The following WFIKKN2 variants were observed in gnomAD, a reference collection of about 807,000 sequenced individuals.
WFIKKN2 encodes the protein WAP, follistatin/kazal, immunoglobulin, kunitz and netrin domain containing 2, also known as WAP, Kazal, immunoglobulin, Kunitz and NTR domain-containing protein 2.
Under a neutral mutation model 39.2 loss-of-function variants are expected in WFIKKN2, and 25 were observed. The observed-to-expected ratio is 0.64, with a 90% CI of 0.47 to 0.89. The LOEUF (loss-of-function observed/expected upper bound fraction) is 0.89. Among genes scored for constraint, WFIKKN2 ranks in the 40% least tolerant of loss-of-function variants. WFIKKN2 has a pLI of 0.00. For missense variants in WFIKKN2, 770 were observed against 811.7 expected (o/e 0.95, Z 0.62); for synonymous variants, 345 against 329.7 (o/e 1.05, Z -0.50).
chr17:50,836,199 G>C, intron 1 of WFIKKN2, 52 bp downstream of exon 1: 1 of 1,594,460 alleles, frequency 6.3e-7, no homozygotes, highest in South Asian at 1.1e-5. Context: ...GTGAGTGACG[G>C]GGGTGGGAGC....
intron 1 of WFIKKN2, among the ~76,000 whole-genome samples, chr17:50,836,832 G>T (rs1971966268): frequency 6.6e-6 from 1 of 152,094 alleles, no homozygotes; most frequent in African/African-American, 2.4e-5. Context: ...GACCATATGA[G>T]CCTGTGAGTG....
In WFIKKN2 at chr17:50,840,649, T is replaced by G. The variant is rs1442186070; in HGVS notation, c.1361T>G (p.Leu454Arg). ...CGGGCCTGCAAGCCTCGGCAGAAGCTCGTTACCAGCTTCTGTCGCAGCGAC... is the reference window on the plus strand; with the variant it reads ...CGGGCCTGCAAGCCTCGGCAGAAGCGCGTTACCAGCTTCTGTCGCAGCGAC... ...RCRACKPRQK[L>R]VTSFCRSDFV... Residue 454 changes from leucine to arginine, a missense_variant, in exon 2 of 2, where the codon CTC becomes CGC. Transcript: ENST00000311378. The G allele has an allele frequency of 6.2e-7, 1 of 1,613,762 alleles. No homozygotes were observed. Among genetic ancestry groups the G allele is most frequent in the East Asian group, 2.2e-5 (1 of 44,878 alleles).
chr17:50,840,026 G>A lies in WFIKKN2; in HGVS notation c.738G>A (p.Gln246=), dbSNP rs1438402356. ...RPRPEITWEK[Q]LEDRENVVMR... is the part of the protein sequence containing the mutation. ...GGCCTGAGATCACCTGGGAGAAGCA[G>A]TTGGAGGATCGGGAGAATGTGGTCA... The change falls in exon 2 of 2, where the codon CAG becomes CAA. Residue 246 remains glutamine (Q), a synonymous_variant. Coordinates refer to ENST00000311378, the MANE Select transcript of WFIKKN2 (RefSeq NM_175575.6). 1.9e-6 allele frequency: 3 copies of A among 1,614,154 alleles called. No homozygotes were observed. The highest frequency in any genetic ancestry group is 1.1e-5 in the South Asian group (1 of 91,090).
At chr17:50,835,554 T>A, upstream of WFIKKN2, 1 of 220,034 alleles carries the variant, frequency 4.5e-6, no homozygotes, top group Non-Finnish European at 8.8e-6. Context: ...TTTTCCCCCC[T>A]TCTGCAATAA....
In WFIKKN2 at chr17:50,840,894, G is replaced by A. The variant is rs1046447327; in HGVS notation, c.1606G>A (p.Gly536Ser). Residue 536 changes from glycine to serine, a missense_variant, in exon 2 of 2, where the codon GGC (glycine) becomes AGC (serine). By Grantham distance (56) the Gly-to-Ser change is moderately conservative. Coordinates refer to ENST00000311378, the MANE Select transcript of WFIKKN2 (RefSeq NM_175575.6). ...PLIIMGEVDG[G>S]MAMLRPDSFV... is the part of the protein sequence containing the mutation. ...CATCATCATGGGGGAGGTGGACGGC[G>A]GCATGGCCATGCTGCGCCCCGATAG... 3.7e-6 allele frequency: 6 copies of A among 1,609,100 alleles called. No homozygotes were observed. The highest frequency in any genetic ancestry group is 3.3e-5 in the Admixed American group (2 of 59,940).
chr17:50,840,250 C>T lies in WFIKKN2; in HGVS notation c.962C>T (p.Thr321Met), dbSNP rs373654433. 114 of 1,613,826 alleles carry T rather than the reference C, an allele frequency of 7.1e-5. 1 individual carries two copies. Among genetic ancestry groups the T allele is most frequent in the South Asian group, 1.9e-4 (17 of 91,072 alleles). The change falls in exon 2 of 2, where the codon ACG (threonine) becomes ATG (methionine). Residue 321 changes from threonine (T) to methionine (M), a missense_variant. Transcript: ENST00000311378. ...AATSESSPNG[T>M]AFPAAECLKP... ...ACCTCAGAGAGCAGCCCCAATGGCACGGCTTTCCCGGCGGCCGAGTGCCTG... is the reference window on the plus strand; with the variant it reads ...ACCTCAGAGAGCAGCCCCAATGGCATGGCTTTCCCGGCGGCCGAGTGCCTG...
intron 1 of WFIKKN2, among the ~76,000 whole-genome samples, chr17:50,837,482 C>G (rs902028266): frequency 6.6e-6 from 1 of 152,134 alleles, no homozygotes; most frequent in South Asian, 2.1e-4. Flanking sequence ...CTGCCCACCC[C>G]CTCTGGGGCA....
At position 50,840,797 on chromosome 17, in the gene WFIKKN2, A is replaced by G; in HGVS notation, c.1509A>G (p.Pro503=). Reference sequence around the variant, plus strand: ...GCCTCAAGTTCCTGGGCCAGGAGCCATTGGAGGTCACTCTGCTTCACGTGG... The same window carrying G: ...GCCTCAAGTTCCTGGGCCAGGAGCCGTTGGAGGTCACTCTGCTTCACGTGG... The part of the protein sequence containing the change: ...KMGLKFLGQE[P]LEVTLLHVDW... The change falls in exon 2 of 2, where the codon CCA becomes CCG. Residue 503 remains proline (P), a synonymous_variant. Coordinates refer to ENST00000311378, the MANE Select transcript of WFIKKN2 (RefSeq NM_175575.6). 6.2e-7 allele frequency: 1 copy of G among 1,614,120 alleles called. No homozygotes were observed. Among genetic ancestry groups the G allele is most frequent in the South Asian group, 1.1e-5 (1 of 91,078 alleles).
rs756953757 is a variant in WFIKKN2, at chr17:50,835,900, C to T, written c.-38C>T. The T allele has an allele frequency of 8.8e-6, 14 of 1,587,474 alleles. No individual in the cohort carries two copies. In the Admixed American group the frequency reaches 1.4e-4, roughly 16 times the overall value. On this transcript the variant is annotated 5_prime_UTR_variant, in exon 1 of 2. Transcript: ENST00000311378. ...CCTGGTGGGCCCCAGACCCTGGCAT[C>T]GTTTCAGGGGAGGTCTCTAGCCGCC...
chr17:50,840,564 T>G lies in WFIKKN2; in HGVS notation c.1276T>G (p.Phe426Val), dbSNP rs1238324863. The G allele has an allele frequency of 1.2e-6, 2 of 1,613,992 alleles. No individual in the cohort carries two copies. The highest frequency in any genetic ancestry group is 1.7e-5 in the Admixed American group (1 of 60,036). ...YGGCEGNGNN[F>V]ESREACEESC... is the part of the protein sequence containing the mutation. ...TGGCTGCGAGGGCAATGGCAACAACTTTGAGAGCCGTGAGGCCTGTGAGGA... is the reference window on the plus strand; with the variant it reads ...TGGCTGCGAGGGCAATGGCAACAACGTTGAGAGCCGTGAGGCCTGTGAGGA... Residue 426 changes from phenylalanine (F) to valine (V), a missense_variant, in exon 2 of 2, where the codon TTT (phenylalanine) becomes GTT (valine). By Grantham distance (50) the Phe-to-Val change is conservative (BLOSUM62 -1). Transcript: ENST00000311378.
chr17:50,839,351 G>A (rs146217613), intron 1 of WFIKKN2, 148 bp from the exon 2 acceptor site: 64 of 718,304 alleles, frequency 8.9e-5, no homozygotes, highest in East Asian at 7.3e-4. Flanking sequence ...GAGATGCTAC[G>A]TATGCATTCG....
At chr17:50,836,239 G>A in intron 1 of WFIKKN2, 92 bp downstream of exon 1, 1 of 1,442,436 alleles carries the variant, frequency 6.9e-7, no homozygotes, top group Non-Finnish European at 9.5e-7. Flanking sequence ...GGGAGTGTGA[G>A]GAGGACAACG....
chr17:50,839,554 T>A lies in WFIKKN2; in HGVS notation c.266T>A (p.Val89Glu). 1.2e-6 allele frequency: 2 copies of A among 1,614,126 alleles called. No homozygotes were observed. Among genetic ancestry groups the A allele is most frequent in the Non-Finnish European group, 1.7e-6 (2 of 1,180,002 alleles). ...AACGTATGTGGGACCAAGAGCTGCGTGGCGGCCCGCTACATGGACGTGAAA... is the reference window on the plus strand; with the variant it reads ...AACGTATGTGGGACCAAGAGCTGCGAGGCGGCCCGCTACATGGACGTGAAA... ...CPNVCGTKSCVAARYMDVKGK... is the reference protein window; with the variant it reads ...CPNVCGTKSCEAARYMDVKGK... The change falls in exon 2 of 2, where the codon GTG becomes GAG. Residue 89 changes from valine (V) to glutamate (E), a missense_variant. Coordinates refer to ENST00000311378, the MANE Select transcript of WFIKKN2 (RefSeq NM_175575.6).
At chr17:50,836,956 A>G (rs888290087) in intron 1 of WFIKKN2, among the ~76,000 whole-genome samples, 1 of 152,222 alleles carries the variant, frequency 6.6e-6, no homozygotes, top group Admixed American at 6.5e-5. Context: ...CATCCTGTCT[A>G]TTAACACCGA....
rs1297361803 is a variant in WFIKKN2 at position 50,835,638 on chromosome 17, C to T, written c.-300C>T. On this transcript the variant is annotated 5_prime_UTR_variant, in exon 1 of 2. Coordinates refer to ENST00000311378, the MANE Select transcript of WFIKKN2 (RefSeq NM_175575.6). ...GGCATCAGGTTAGCTGGCTCCCACT[C>T]GGGTGGCGCGCCCAGGATATAAATC... The T allele has an allele frequency of 2.4e-6, 1 of 419,408 alleles. No homozygotes were observed. The highest frequency in any genetic ancestry group is 4.2e-6 in the Non-Finnish European group (1 of 236,310). 26.0% of individuals were successfully genotyped at this position (419,408 alleles called of 1,614,324 possible).
chr17:50,837,020 G>T (rs951690777), intron 1 of WFIKKN2, among the ~76,000 whole-genome samples: 2 of 152,232 alleles, frequency 1.3e-5, no homozygotes, highest in Non-Finnish European at 2.9e-5. Context: ...ACTGGAGCCC[G>T]AGGATTCCTC....
At position 50,840,037 on chromosome 17, in the gene WFIKKN2, G is replaced by A. The variant is rs1237172578; in HGVS notation, c.749G>A (p.Arg250Gln). The change falls in exon 2 of 2, where the codon CGG becomes CAG. Residue 250 changes from arginine to glutamine, a missense_variant. Physicochemically the swap from Arg to Gln is conservative, Grantham distance 43. Coordinates refer to ENST00000311378, the MANE Select transcript of WFIKKN2 (RefSeq NM_175575.6). The part of the protein sequence containing the change: ...EITWEKQLED[R>Q]ENVVMRPNHV... ...ACCTGGGAGAAGCAGTTGGAGGATC[G>A]GGAGAATGTGGTCATGCGGCCCAAC... 9 of 1,614,238 alleles carry A rather than the reference G, an allele frequency of 5.6e-6. No homozygotes were observed. Among genetic ancestry groups the A allele is most frequent in the Middle Eastern group, 1.6e-4 (1 of 6,062 alleles).
intron 1 of WFIKKN2, among the ~76,000 whole-genome samples, 172 bp from the exon 2 acceptor site, chr17:50,839,327 G>A (rs1056205256): frequency 2.0e-5 from 3 of 152,182 alleles, no homozygotes; most frequent in Non-Finnish European, 2.9e-5. Context: ...CTTACACAGG[G>A]GCCTAGCATG....
Position 50,840,937 on chromosome 17 carries a change from G to T in WFIKKN2, c.1649G>T (p.Ser550Ile), listed in dbSNP as rs760799642. The T allele has an allele frequency of 1.0e-5, 16 of 1,595,018 alleles. No individual in the cohort carries two copies. Among genetic ancestry groups the T allele is most frequent in the Non-Finnish European group, 1.4e-5 (16 of 1,167,152 alleles). The change falls in exon 2 of 2, where the codon AGT (serine) becomes ATT (isoleucine). Residue 550 changes from serine (S) to isoleucine (I), a missense_variant. Transcript: ENST00000311378. ...CCCGATAGCTTTGTGGGCGCATCGAGTGCCCGCCGGGTCAGGAAGCTTCGT... is the reference window on the plus strand; with the variant it reads ...CCCGATAGCTTTGTGGGCGCATCGATTGCCCGCCGGGTCAGGAAGCTTCGT... ...LRPDSFVGAS[S>I]ARRVRKLREV...
Sources: gnomAD v4.1 joint callset for allele counts (sites outside exome capture counted in the v4.1 genomes callset) on GRCh38, gnomAD v4.1.1 for gene constraint, MANE v1.5 for transcripts, NCBI Gene and HGNC (gene_info 2026-07-23, HGNC 2026-07-21) for gene names.